The following SHISA9 variants were observed in gnomAD, a reference collection of about 807,000 sequenced individuals.
The protein encoded by SHISA9 is shisa family member 9.
SHISA9 carries 13 observed loss-of-function variants against 38.0 expected under a neutral mutation model. The observed-to-expected ratio is 0.34, with a 90% CI of 0.22 to 0.54. The LOEUF is 0.54. Among genes scored for constraint, SHISA9 ranks in the 20% least tolerant of loss-of-function variants. SHISA9 has a pLI of 0.91. For synonymous variants in SHISA9, 275 were observed against 242.0 expected (o/e 1.14, Z -1.27); for missense variants, 538 against 575.8 (o/e 0.93, Z 0.67).
At chr16:13,297,666 C>T in the SHISA9 span, among the ~76,000 whole-genome samples, 36 of 152,266 alleles carry the variant, frequency 2.4e-4, 1 homozygote, top group South Asian at 7.3e-3. Flanking sequence ...TGGTTGTTGG[C>T]GTTGAGCTTC....
the SHISA9 span, among the ~76,000 whole-genome samples, chr16:13,522,322 T>G: frequency 6.6e-6 from 1 of 152,202 alleles, no homozygotes; most frequent in Admixed American, 6.5e-5. Context: ...TTTGGCATAT[T>G]TCTGAGTTAA....
At chr16:13,222,790 A>ATG (rs751827168) in intron 4 of SHISA9, among the ~76,000 whole-genome samples, 2 of 95,946 alleles carry the variant, frequency 2.1e-5, no homozygotes, top group African/African-American at 1.1e-4. Context: ...GTGTGTGTGT[A>ATG]TGTATATATA....
At chr16:13,252,296 A>T in the SHISA9 span, among the ~76,000 whole-genome samples, 1 of 152,152 alleles carries the variant, frequency 6.6e-6, no homozygotes, top group Admixed American at 6.5e-5. Flanking sequence ...ACAATGTCGT[A>T]TCCCTCCTCC....
intron 4 of SHISA9, among the ~76,000 whole-genome samples, chr16:13,225,727 G>T (rs917827905): frequency 1.7e-4 from 26 of 152,146 alleles, no homozygotes; most frequent in Admixed American, 5.2e-4. Flanking sequence ...CTTGTTTTGG[G>T]AACTGGTTAT....
At chr16:13,210,519 A>C (rs1018008784) in intron 3 of SHISA9, among the ~76,000 whole-genome samples, 5 of 152,242 alleles carry the variant, frequency 3.3e-5, no homozygotes, top group Non-Finnish European at 5.9e-5. Flanking sequence ...GGCATTTTCC[A>C]ATAGCACTTT....
At chr16:13,079,837 A>G (rs2073626904) in intron 2 of SHISA9, among the ~76,000 whole-genome samples, 1 of 152,232 alleles carries the variant, frequency 6.6e-6, no homozygotes, top group Non-Finnish European at 1.5e-5. Context: ...TAATGCCAGC[A>G]AAAGTGTGAA....
the SHISA9 span, among the ~76,000 whole-genome samples, chr16:13,295,685 G>A: frequency 6.6e-6 from 1 of 152,164 alleles, no homozygotes; most frequent in African/African-American, 2.4e-5. Flanking sequence ...GTGCCAACCA[G>A]CTGTGATTTA....
At chr16:13,512,697 T>A in the SHISA9 span, among the ~76,000 whole-genome samples, 1 of 152,100 alleles carries the variant, frequency 6.6e-6, no homozygotes, top group East Asian at 1.9e-4. Flanking sequence ...ACCTCAGAAA[T>A]AACACCACAC....
At chr16:12,951,531 C>A (rs2071757255) in intron 2 of SHISA9, among the ~76,000 whole-genome samples, 1 of 152,022 alleles carries the variant, frequency 6.6e-6, no homozygotes, top group South Asian at 2.1e-4. Context: ...AGGTGTTGGG[C>A]TGGATTTGGC....
At chr16:13,272,071 C>T in the SHISA9 span, among the ~76,000 whole-genome samples, 4 of 120,512 alleles carry the variant, frequency 3.3e-5, no homozygotes, top group Non-Finnish European at 7.4e-5. Flanking sequence ...AACTTCATCT[C>T]AAAATTAAAA....
At chr16:13,244,046 C>T (rs2051454714), downstream of SHISA9, among the ~76,000 whole-genome samples, 1 of 152,180 alleles carries the variant, frequency 6.6e-6, no homozygotes, top group African/African-American at 2.4e-5. Flanking sequence ...GCTGGGATTA[C>T]AGGCCTGAGC....
chr16:13,226,358 C>G (rs1390850128), intron 4 of SHISA9, among the ~76,000 whole-genome samples: 1 of 152,250 alleles, frequency 6.6e-6, no homozygotes, highest in Admixed American at 6.5e-5. Context: ...AGTGCCTACA[C>G]TGTGCTTCTC....
At chr16:13,217,399 G>A (rs1175110600) in intron 4 of SHISA9, among the ~76,000 whole-genome samples, 1 of 152,188 alleles carries the variant, frequency 6.6e-6, no homozygotes, top group Non-Finnish European at 1.5e-5. Context: ...TGTTTATTTT[G>A]CAAACAGAAA....
the SHISA9 span, among the ~76,000 whole-genome samples, chr16:13,556,778 A>T: frequency 1.3e-5 from 2 of 152,224 alleles, no homozygotes; most frequent in Admixed American, 1.3e-4. Context: ...AAAATAAAAA[A>T]TAAAAACAAT....
chr16:12,999,272 G>A (rs1050432220), intron 2 of SHISA9, among the ~76,000 whole-genome samples: 25 of 152,260 alleles, frequency 1.6e-4, no homozygotes, highest in African/African-American at 5.3e-4. Flanking sequence ...AAAAAACCTG[G>A]CACTAAATAG....
chr16:13,554,846 T>C, the SHISA9 span, among the ~76,000 whole-genome samples: 4 of 152,180 alleles, frequency 2.6e-5, no homozygotes, highest in Admixed American at 2.0e-4. Context: ...TGCAAGCTCC[T>C]GGCAGCCATT....
chr16:13,003,349 C>G (rs12926477), intron 2 of SHISA9, among the ~76,000 whole-genome samples: 35,488 of 152,086 alleles, frequency 0.23, 4,393 homozygotes, highest in Middle Eastern at 0.31. Flanking sequence ...AGATTTAGAC[C>G]TGGATCTCTC....
the SHISA9 span, among the ~76,000 whole-genome samples, chr16:13,550,854 T>C: frequency 6.6e-6 from 1 of 152,032 alleles, no homozygotes; most frequent in Non-Finnish European, 1.5e-5. Context: ...CCAGGTGCAG[T>C]GGCTCACACT....
At chr16:13,381,206 G>A in the SHISA9 span, among the ~76,000 whole-genome samples, 1 of 152,088 alleles carries the variant, frequency 6.6e-6, no homozygotes, top group Non-Finnish European at 1.5e-5. Flanking sequence ...TGACAGCTGG[G>A]AAGTAGGCCT....
Sources: allele counts gnomAD v4.1 joint callset (sites outside exome capture counted in the v4.1 genomes callset), GRCh38; gene constraint gnomAD v4.1.1; transcripts MANE v1.5; gene names NCBI Gene and HGNC (gene_info 2026-07-23, HGNC 2026-07-21).